Variants in UTY observed in about 807,000 individuals in gnomAD.
UTY encodes histone demethylase UTY.
In UTY, 12 loss-of-function variants were observed where a neutral mutation model predicts 32.5. The ratio of observed to expected loss-of-function variants is 0.37; its 90% CI spans 0.24 to 0.60. The LOEUF (loss-of-function observed/expected upper bound fraction) is 0.60. UTY is among the 20% of genes least tolerant of loss of function. The pLI is 0.69. For missense variants in UTY, 303 were observed against 299.2 expected, an observed-to-expected ratio of 1.01 and a Z score of -0.09; for synonymous variants, 131 against 103.4, an observed-to-expected ratio of 1.27 and a Z score of -1.62.
intron 4 of UTY, among the ~76,000 whole-genome samples, chrY:13,420,763 ACG>A (rs2072427452): frequency 3.0e-5 from 1 of 33,324 alleles, no homozygotes; most frequent in African/African-American, 1.2e-4. Flanking sequence ...TTTAAATGTA[ACG>A]CACAAAACTA....
At chrY:13,478,619 AAAC>A in intron 2 of UTY, among the ~76,000 whole-genome samples, 1 of 32,612 alleles carries the variant, frequency 3.1e-5, no homozygotes, top group Non-Finnish European at 7.5e-5. Flanking sequence ...CTTTTCACAC[AAAC>A]AACAAATTCT....
chrY:13,293,656 T>C (rs943202994), intron 27 of UTY, among the ~76,000 whole-genome samples: 2 of 33,529 alleles, frequency 6.0e-5, no homozygotes, highest in African/African-American at 2.3e-4. Context: ...TAATTACCTG[T>C]ATTTGCAGAT....
chrY:13,342,411 T>G (rs2061556752), intron 17 of UTY, among the ~76,000 whole-genome samples: 1 of 34,036 alleles, frequency 2.9e-5, no homozygotes, highest in Non-Finnish European at 7.3e-5. Flanking sequence ...CACATGCCAT[T>G]GTGCCCAACC....
intron 8 of UTY, among the ~76,000 whole-genome samples, chrY:13,374,631 G>A: frequency 3.0e-5 from 1 of 33,162 alleles, no homozygotes; most frequent in African/African-American, 1.2e-4. Context: ...CAATTCTTGA[G>A]TTAGTAATAC....
At chrY:13,265,061 C>T (rs2055648836) in intron 27 of UTY, among the ~76,000 whole-genome samples, 8 of 33,069 alleles carry the variant, frequency 2.4e-4, no homozygotes, top group African/African-American at 9.5e-4. Flanking sequence ...AGATGTGAGG[C>T]GTTATTTCTG....
chrY:13,456,915 C>T (rs747660269), intron 3 of UTY, among the ~76,000 whole-genome samples: 25 of 33,143 alleles, frequency 7.5e-4, no homozygotes, highest in Admixed American at 2.2e-3. Flanking sequence ...AACTAGATGA[C>T]TAGAAGGCCA....
chrY:13,457,487 TAATA>T, intron 3 of UTY, among the ~76,000 whole-genome samples: 1 of 32,906 alleles, frequency 3.0e-5, no homozygotes, highest in South Asian at 6.8e-4. Context: ...CTAAAATAAT[TAATA>T]AACTCAACAA....
In UTY at chrY:13,356,038, T is replaced by C; in HGVS notation, c.1570-20A>G. 2 of 347,913 alleles carry C rather than the reference T, an allele frequency of 5.7e-6. No homozygotes were observed. Among genetic ancestry groups the C allele is most frequent in the Non-Finnish European group, 4.0e-6 (1 of 247,851 alleles). The allele number at this position is 347,913 out of a possible 400,897, so 86.8% of individuals were successfully genotyped here. A position where few individuals can be genotyped will look rare whatever the true frequency, so the allele number is the denominator to read the frequency against. Reference sequence around the variant, plus strand: ...CAAGTGCTAGAAGAAAAGAGATTAATATAATCAAAGTTTAATCTAAAATTT... The same window carrying C: ...CAAGTGCTAGAAGAAAAGAGATTAACATAATCAAAGTTTAATCTAAAATTT... On this transcript the variant is annotated intron_variant, in intron 15 of 29. Transcript: ENST00000545955.
At chrY:13,333,306 C>T (rs2060814152) in intron 18 of UTY, among the ~76,000 whole-genome samples, 1 of 33,287 alleles carries the variant, frequency 3.0e-5, no homozygotes, top group Non-Finnish European at 7.4e-5. Flanking sequence ...CTGGGGGCAT[C>T]GCACTACCTG....
At chrY:13,310,148 G>A (rs760127417) in intron 21 of UTY, among the ~76,000 whole-genome samples, 28 of 26,291 alleles carry the variant, frequency 1.1e-3, no homozygotes, top group African/African-American at 3.6e-3. Context: ...CCTGGGAGGC[G>A]GAGCTTGCAG....
chrY:13,436,990 A>G, intron 4 of UTY, among the ~76,000 whole-genome samples: 3 of 31,765 alleles, frequency 9.4e-5, no homozygotes, highest in Admixed American at 5.7e-4. Flanking sequence ...ACACACACAC[A>G]CACACACACA....
rs2079562199 is a variant in UTY, at chrY:13,479,816, AC to A, written c.-152del. On this transcript the variant is annotated 5_prime_UTR_variant, in exon 1 of 30. Coordinates refer to ENST00000545955, the MANE Select transcript of UTY (RefSeq NM_001258249.2). Reference sequence around the variant, plus strand: ...AAAAGCTGAGGCAAAGACTTAAGCTACCGAAGCACGGGCAGCGGAACTCGGC... The same window carrying A: ...AAAAGCTGAGGCAAAGACTTAAGCTACGAAGCACGGGCAGCGGAACTCGGC... 1 of 217,779 alleles carries A rather than the reference AC, an allele frequency of 4.6e-6. No individual in the cohort carries two copies. Among genetic ancestry groups the A allele is most frequent in the Non-Finnish European group, 7.1e-6 (1 of 140,242 alleles). The allele number at this position is 217,779 out of a possible 400,897, so 54.3% of individuals were successfully genotyped here. A position where few individuals can be genotyped will look rare whatever the true frequency, so the allele number is the denominator to read the frequency against.
chrY:13,332,442 A>G, intron 18 of UTY, among the ~76,000 whole-genome samples: 1 of 34,096 alleles, frequency 2.9e-5, no homozygotes, highest in Admixed American at 2.6e-4. Flanking sequence ...CTGGTTCAAC[A>G]TAACACAAAT....
intron 27 of UTY, among the ~76,000 whole-genome samples, chrY:13,287,540 A>G: frequency 3.6e-5 from 1 of 28,060 alleles, no homozygotes; most frequent in Admixed American, 3.3e-4. Context: ...AGGCTTTTGG[A>G]AAAAAAAAAA....
chrY:13,424,450 G>C, intron 4 of UTY, among the ~76,000 whole-genome samples: 1 of 32,141 alleles, frequency 3.1e-5, no homozygotes, highest in African/African-American at 1.2e-4. Flanking sequence ...CAGAGGCTGG[G>C]CATGGTGGCT....
In UTY at chrY:13,335,701, T is replaced by G. The variant is rs1295783259; in HGVS notation, c.2696A>C (p.Asn899Thr). The G allele has an allele frequency of 5.0e-6, 2 of 397,138 alleles. No individual in the cohort carries two copies. Among genetic ancestry groups the G allele is most frequent in the African/African-American group, 1.3e-4 (2 of 15,666 alleles). ...CTGTGACTTCCCCAGCCCCTCTCCA[T>G]TGACTGTGTGTAATCCACTGTGAGG... Reference protein sequence around the residue: ...NSPHSGLHTVNGEGLGKSQSS... With the variant: ...NSPHSGLHTVTGEGLGKSQSS... The change falls in exon 18 of 30, where the codon AAT becomes ACT. Residue 899 changes from asparagine (N) to threonine (T), a missense_variant. Coordinates refer to ENST00000545955, the MANE Select transcript of UTY (RefSeq NM_001258249.2).
chrY:13,348,231 A>C, intron 17 of UTY, among the ~76,000 whole-genome samples: 1 of 33,834 alleles, frequency 3.0e-5, no homozygotes, highest in Admixed American at 2.7e-4. Flanking sequence ...AATGCTGGAG[A>C]CAATAGCAAA....
At chrY:13,256,872 C>T in intron 28 of UTY, among the ~76,000 whole-genome samples, 1 of 33,953 alleles carries the variant, frequency 2.9e-5, no homozygotes, top group African/African-American at 1.2e-4. Context: ...GGCTCATACG[C>T]CTCTTCCAGG....
At chrY:13,314,380 C>T (rs2059369886) in intron 21 of UTY, among the ~76,000 whole-genome samples, 1 of 33,389 alleles carries the variant, frequency 3.0e-5, no homozygotes, top group African/African-American at 1.2e-4. Context: ...TGCCACTGCA[C>T]TCCAGCCGGG....
Sources: gnomAD v4.1 joint callset for allele counts (sites outside exome capture counted in the v4.1 genomes callset) on GRCh38, gnomAD v4.1.1 for gene constraint, MANE v1.5 for transcripts, NCBI Gene and HGNC (gene_info 2026-07-23, HGNC 2026-07-21) for gene names.